Variants in TAB2 observed in about 807,000 individuals in gnomAD.
TAB2 encodes TGF-beta-activated kinase 1 and MAP3K7-binding protein 2.
TAB2 carries 3 observed loss-of-function variants against 65.0 expected under a neutral mutation model. The observed-to-expected ratio is 0.05, with a 90% CI of 0.02 to 0.12. The LOEUF is 0.12. TAB2 is among the 10% of genes least tolerant of loss of function. The pLI is 1.00. For missense variants in TAB2, 623 were observed against 840.3 expected, an observed-to-expected ratio of 0.74 and a Z score of 3.20; for synonymous variants, 298 against 285.1, an observed-to-expected ratio of 1.05 and a Z score of -0.46.
At chr6:149,260,813 T>C (rs1433160504) in intron 1 of TAB2, among the ~76,000 whole-genome samples, 2 of 152,226 alleles carry the variant, frequency 1.3e-5, no homozygotes, top group Admixed American at 6.5e-5. Context: ...CGTACTGACC[T>C]GTAGTTGAGT....
chr6:149,411,280 T>TA lies in TAB2; in HGVS notation c.*1564dup, dbSNP rs1300889933. 1 of 152,472 alleles carries TA rather than the reference T, an allele frequency of 6.6e-6. No homozygotes were observed. The highest frequency in any genetic ancestry group is 1.5e-5 in the Non-Finnish European group (1 of 68,038). 9.4% of individuals were successfully genotyped at this position (152,472 alleles called of 1,614,324 possible). A position where few individuals can be genotyped will look rare whatever the true frequency, so the allele number is the denominator to read the frequency against. On this transcript the variant is annotated 3_prime_UTR_variant, in exon 7 of 7. Coordinates refer to ENST00000637181, the MANE Select transcript of TAB2 (RefSeq NM_001292034.3). ...TAAATGTTTGCAAGTGGCTGTGTTT[T>TA]AAATGGGATTATTACAGTTGATCTC...
At chr6:149,391,137 G>T (rs1348373100) in intron 3 of TAB2, among the ~76,000 whole-genome samples, 1 of 152,086 alleles carries the variant, frequency 6.6e-6, no homozygotes, top group East Asian at 1.9e-4. Flanking sequence ...TTTTTAGCTG[G>T]ACATAGAATT....
intron 1 of TAB2, among the ~76,000 whole-genome samples, chr6:149,220,433 G>A (rs1777117752): frequency 6.6e-6 from 1 of 152,066 alleles, no homozygotes; most frequent in Non-Finnish European, 1.5e-5. Context: ...CACGATTACG[G>A]GACACCATGC....
intron 1 of TAB2, among the ~76,000 whole-genome samples, chr6:149,259,635 A>G (rs1320091602): frequency 1.3e-5 from 2 of 152,226 alleles, no homozygotes; most frequent in African/African-American, 4.8e-5. Flanking sequence ...CTCCAGAAGA[A>G]TTAGACATCC....
At chr6:149,382,615 A>G (rs1437618640) in intron 3 of TAB2, among the ~76,000 whole-genome samples, 2 of 152,078 alleles carry the variant, frequency 1.3e-5, no homozygotes, top group East Asian at 1.9e-4. Flanking sequence ...AAAAAATTCT[A>G]ACTAGGAAGT....
chr6:149,315,143 C>T (rs996161925), upstream of TAB2, among the ~76,000 whole-genome samples: 5 of 152,202 alleles, frequency 3.3e-5, no homozygotes, highest in Non-Finnish European at 7.3e-5. Context: ...TATCATCTCT[C>T]TATCTCATAA....
intron 1 of TAB2, among the ~76,000 whole-genome samples, chr6:149,249,803 C>T (rs1174307808): frequency 1.3e-5 from 2 of 152,214 alleles, no homozygotes; most frequent in Non-Finnish European, 2.9e-5. Flanking sequence ...GCTGCAGGCC[C>T]GCACTCCATC....
rs781346597 is a variant in TAB2 at position 149,378,634 on chromosome 6, A to G, written c.719A>G (p.Asn240Ser). The change falls in exon 3 of 7, where the codon AAT becomes AGT. Residue 240 changes from asparagine (N) to serine (S), a missense_variant. Asn to Ser is a conservative substitution (Grantham distance 46). Coordinates refer to ENST00000637181, the MANE Select transcript of TAB2 (RefSeq NM_001292034.3). ...CATTCTGGCTGGGTATCTCAGTTTA[A>G]TCCCATGAACCCTCAGCAAGTTTAT... is the stretch of plus-strand genomic sequence containing the variant. ...QQHSGWVSQFNPMNPQQVYQP... is the reference protein window; with the variant it reads ...QQHSGWVSQFSPMNPQQVYQP... 1.2e-6 allele frequency: 2 copies of G among 1,613,254 alleles called. No homozygotes were observed. The highest frequency in any genetic ancestry group is 2.2e-5 in the East Asian group (1 of 44,892).
intron 1 of TAB2, among the ~76,000 whole-genome samples, chr6:149,225,055 A>G (rs1182506312): frequency 6.6e-6 from 1 of 152,224 alleles, no homozygotes; most frequent in Non-Finnish European, 1.5e-5. Context: ...TGAAGCTGGC[A>G]TTTTTAGCTA....
chr6:149,377,219 C>T (rs994884489), intron 2 of TAB2, among the ~76,000 whole-genome samples: 28 of 151,758 alleles, frequency 1.8e-4, no homozygotes, highest in African/African-American at 6.8e-4. Flanking sequence ...TACAGGCGCC[C>T]GCCACCACGC....
At chr6:149,275,683 T>A (rs2114680691) in intron 1 of TAB2, among the ~76,000 whole-genome samples, 1 of 152,314 alleles carries the variant, frequency 6.6e-6, no homozygotes, top group East Asian at 1.9e-4. Flanking sequence ...CACTACCTCA[T>A]CTGGGTGTTC....
chr6:149,375,721 G>C (rs1052461643), intron 2 of TAB2, among the ~76,000 whole-genome samples: 2 of 152,080 alleles, frequency 1.3e-5, no homozygotes, highest in Admixed American at 1.3e-4. Context: ...GGGCCAATCA[G>C]GTTTGGCAAA....
intron 1 of TAB2, among the ~76,000 whole-genome samples, chr6:149,366,487 T>C (rs1460908620): frequency 6.6e-6 from 1 of 152,174 alleles, no homozygotes; most frequent in Admixed American, 6.5e-5. Flanking sequence ...CTTTGGTTCA[T>C]CAAGCAAGTA....
intron 1 of TAB2, among the ~76,000 whole-genome samples, chr6:149,367,597 TG>T (rs1781081743): frequency 6.6e-6 from 1 of 152,110 alleles, no homozygotes; most frequent in Admixed American, 6.6e-5. Context: ...AAGAAAATAC[TG>T]GGGACGGGAA....
At chr6:149,407,499 G>C (rs1046980897) in intron 6 of TAB2, among the ~76,000 whole-genome samples, 5 of 152,012 alleles carry the variant, frequency 3.3e-5, no homozygotes, top group Non-Finnish European at 7.4e-5. Flanking sequence ...TAATAAGAAA[G>C]GTCCAATAAA....
At chr6:149,401,898 G>A (rs571919119) in intron 6 of TAB2, among the ~76,000 whole-genome samples, 2 of 151,622 alleles carry the variant, frequency 1.3e-5, no homozygotes, top group African/African-American at 2.4e-5. Flanking sequence ...AATCTTAACA[G>A]TATCTTCAGA....
chr6:149,281,827 A>G (rs1778581524), intron 1 of TAB2, among the ~76,000 whole-genome samples: 1 of 152,094 alleles, frequency 6.6e-6, no homozygotes, highest in Admixed American at 6.6e-5. Flanking sequence ...AAACAGCACA[A>G]CCCAACAATA....
At chr6:149,358,988 A>G (rs540280282) in intron 1 of TAB2, among the ~76,000 whole-genome samples, 113 of 150,582 alleles carry the variant, frequency 7.5e-4, no homozygotes, top group Admixed American at 1.8e-3. Flanking sequence ...TTCTTTTTCA[A>G]ATTTTGCCTT....
At chr6:149,228,455 G>A (rs774229115) in intron 1 of TAB2, among the ~76,000 whole-genome samples, 36 of 152,180 alleles carry the variant, frequency 2.4e-4, no homozygotes, top group South Asian at 4.1e-4. Flanking sequence ...TATACTGTAC[G>A]GAGCTCTCAA....
Sources: allele counts gnomAD v4.1 joint callset (sites outside exome capture counted in the v4.1 genomes callset), GRCh38; gene constraint gnomAD v4.1.1; transcripts MANE v1.5; gene names NCBI Gene and HGNC (gene_info 2026-07-23, HGNC 2026-07-21).